The following RAD1 variants were observed in gnomAD, a reference collection of about 807,000 sequenced individuals.
RAD1 encodes the protein cell cycle checkpoint protein RAD1.
In RAD1, 21 loss-of-function variants were observed where a neutral mutation model predicts 30.0. The ratio of observed to expected loss-of-function variants is 0.70; its 90% CI spans 0.50 to 1.01. The LOEUF is 1.01. Ranked by LOEUF, RAD1 falls within the 50% of genes least tolerant of loss-of-function variation. The pLI is 0.00. For synonymous variants in RAD1, 109 were observed against 113.6 expected (o/e 0.96, Z 0.26); for missense variants, 329 against 329.0 (o/e 1.00, Z 0.00).
rs1411192343 is a variant in RAD1, at chr5:34,906,235, GT to G, written c.*2529del. 1 of 152,076 alleles carries G rather than the reference GT, an allele frequency of 6.6e-6. No homozygotes were observed. 9.4% of individuals were successfully genotyped at this position (152,076 alleles called of 1,614,324 possible). ...GCTTCCCAAAATGCTGGGATTACAGGTGTGAGCCACCACTCCCGGCCTAAAA... is the reference window on the plus strand; with the variant it reads ...GCTTCCCAAAATGCTGGGATTACAGGGTGAGCCACCACTCCCGGCCTAAAA... On this transcript the variant is annotated 3_prime_UTR_variant, in exon 6 of 6. Transcript: ENST00000382038.
intron 1 of RAD1, 98 bp from the exon 2 acceptor site, chr5:34,915,059 G>A (rs549202666): frequency 3.1e-6 from 2 of 652,746 alleles, no homozygotes; most frequent in South Asian, 3.8e-5. Flanking sequence ...GGCTGAACAC[G>A]GCTGACCAGG....
At chr5:34,911,956 C>T in intron 3 of RAD1, 144 bp from the exon 4 acceptor site, 4 of 970,018 alleles carry the variant, frequency 4.1e-6, no homozygotes, top group Non-Finnish European at 6.2e-6. Context: ...AAAGGGATGA[C>T]ATCTTCCCTG....
In RAD1 at chr5:34,909,260, G is replaced by A. The variant is rs763712341; in HGVS notation, c.663C>T (p.Asn221=). 5.0e-6 allele frequency: 8 copies of A among 1,597,526 alleles called. No individual in the cohort carries two copies. In the South Asian group the frequency reaches 5.5e-5, roughly 11 times the overall value. The change falls in exon 5 of 6, where the codon AAC becomes AAT. Residue 221 remains asparagine (N), a splice_region_variant and synonymous_variant. Coordinates refer to ENST00000382038, the MANE Select transcript of RAD1 (RefSeq NM_002853.4). The stretch of plus-strand genomic sequence containing the variant: ...CAACCTCTATATTAAGAACTGACCT[G>A]TTGACTTGGGTCTGATTACAATGAA... The part of the protein sequence containing the change: ...EAFHCNQTQV[N]RYKISLLKPS...
chr5:34,910,480 T>C (rs1461406255), intron 4 of RAD1, among the ~76,000 whole-genome samples: 5 of 151,512 alleles, frequency 3.3e-5, no homozygotes, highest in Non-Finnish European at 7.4e-5. Context: ...CAGGCTGGAG[T>C]GCAGTGGCGC....
chr5:34,913,504 G>C lies in RAD1; in HGVS notation c.273C>G (p.Asp91Glu), dbSNP rs919885394. ...GACTTGATCCAAAAATAGATAAACA[G>C]TCTAAAAGGACAGTTAAATTAATTC... is the stretch of plus-strand genomic sequence containing the variant. ...TFRINLTVLL[D>E]CLSIFGSSPM... is the part of the protein sequence containing the mutation. Residue 91 changes from aspartate (D) to glutamate (E), a missense_variant, in exon 3 of 6, where the codon GAC (aspartate) becomes GAG (glutamate). Coordinates refer to ENST00000382038, the MANE Select transcript of RAD1 (RefSeq NM_002853.4). 5.0e-6 allele frequency: 8 copies of C among 1,600,354 alleles called. No individual in the cohort carries two copies. The Admixed American group carries it at 6.8e-5, about 14-fold the overall frequency.
At position 34,913,652 on chromosome 5, in the gene RAD1, T is replaced by C. The variant is rs41271685; in HGVS notation, c.199-74A>G. On this transcript the variant is annotated intron_variant, in intron 2 of 5. Coordinates refer to ENST00000382038, the MANE Select transcript of RAD1 (RefSeq NM_002853.4). The stretch of plus-strand genomic sequence containing the variant: ...AATAATATAAGGTCCTAGATTTCAC[T>C]TTATACGTTTAAAAAATACAATACT... 8,005 of 854,930 alleles carry C rather than the reference T, an allele frequency of 9.4e-3. 53 individuals are homozygous for C. The highest frequency in any genetic ancestry group is 0.012 in the Non-Finnish European group (6,609 of 549,340). 53.0% of individuals were successfully genotyped at this position (854,930 alleles called of 1,614,324 possible).
chr5:34,911,631 G>C lies in RAD1; in HGVS notation c.489C>G (p.Leu163=). The part of the protein sequence containing the change: ...INKIILQSEG[L]REAFSELDMT... ...TATCCAATTCAGAAAATGCTTCACG[G>C]AGCCCCTCTGACTGCAGAATAATTT... The change falls in exon 4 of 6, where the codon CTC becomes CTG. Residue 163 remains leucine, a synonymous_variant. Transcript: ENST00000382038. 6.2e-7 allele frequency: 1 copy of C among 1,614,106 alleles called. No individual in the cohort carries two copies. Among genetic ancestry groups the C allele is most frequent in the African/African-American group, 1.3e-5 (1 of 75,008 alleles).
chr5:34,913,227 G>C (rs1188127997), intron 3 of RAD1, among the ~76,000 whole-genome samples: 2 of 151,864 alleles, frequency 1.3e-5, no homozygotes, highest in Non-Finnish European at 2.9e-5. Context: ...TGGCCAGTTC[G>C]AATTTACAAT....
chr5:34,909,454 G>C, intron 4 of RAD1, 98 bp from the exon 5 acceptor site: 1 of 761,890 alleles, frequency 1.3e-6, no homozygotes, highest in East Asian at 2.6e-5. Context: ...TCATACTAGT[G>C]GGTGAAACAG....
In RAD1 at chr5:34,911,849, A is replaced by G. The variant is rs963982523; in HGVS notation, c.308-37T>C. 12 of 1,605,404 alleles carry G rather than the reference A, an allele frequency of 7.5e-6. No homozygotes were observed. In the African/African-American group the frequency reaches 1.5e-4, roughly 20 times the overall value. On this transcript the variant is annotated intron_variant, in intron 3 of 5. Transcript: ENST00000382038. ...AGAAGTCATACTTGGCCTTAGCTTT[A>G]TAGTTCTGGGTTCAGCTTCTCCTCG...
intron 4 of RAD1, 23 bp downstream of exon 4, chr5:34,911,531 A>C (rs767962682): frequency 6.2e-7 from 1 of 1,611,890 alleles, no homozygotes; most frequent in Non-Finnish European, 8.5e-7. Context: ...CACATTAACT[A>C]TAACTGCACT....
chr5:34,913,851 T>C, intron 2 of RAD1: 4 of 487,954 alleles, frequency 8.2e-6, no homozygotes, highest in South Asian at 7.0e-5. Flanking sequence ...GACGAATGAC[T>C]TGATAATGCA....
chr5:34,913,930 G>C (rs1277865747), intron 2 of RAD1: 3 of 457,590 alleles, frequency 6.6e-6, no homozygotes, highest in Non-Finnish European at 1.3e-5. Context: ...TGATTACCCA[G>C]GCTGGTCTTT....
chr5:34,905,881 T>C lies in RAD1; in HGVS notation c.*2884A>G, dbSNP rs1763634725. On this transcript the variant is annotated 3_prime_UTR_variant, in exon 6 of 6. Transcript: ENST00000382038. Reference sequence around the variant, plus strand: ...TAAAATAAGTACCTTGATGTTAGGGTGACTTAGAAACAATTCATTAGTCTT... The same window carrying C: ...TAAAATAAGTACCTTGATGTTAGGGCGACTTAGAAACAATTCATTAGTCTT... The C allele has an allele frequency of 6.6e-6, 1 of 152,218 alleles. No homozygotes were observed. The highest frequency in any genetic ancestry group is 6.5e-5 in the Admixed American group (1 of 15,282). 9.4% of individuals were successfully genotyped at this position (152,218 alleles called of 1,614,324 possible).
rs1231158673 is a variant in RAD1 at position 34,906,843 on chromosome 5, AT to A, written c.*1921del. On this transcript the variant is annotated 3_prime_UTR_variant, in exon 6 of 6. Transcript: ENST00000382038. ...ACAAAAAATAACTATGCTATTTCACATTTAACAGTCCTTAGAATGTTGACTG... is the reference window on the plus strand; with the variant it reads ...ACAAAAAATAACTATGCTATTTCACATTAACAGTCCTTAGAATGTTGACTG... 1.3e-5 allele frequency: 2 copies of A among 152,242 alleles called. No individual in the cohort carries two copies. Among genetic ancestry groups the A allele is most frequent in the Non-Finnish European group, 2.9e-5 (2 of 68,020 alleles). The allele number at this position is 152,242 out of a possible 1,614,324, so 9.4% of individuals were successfully genotyped here.
intron 4 of RAD1, 85 bp downstream of exon 4, chr5:34,911,469 T>G (rs1763835924): frequency 1.3e-6 from 2 of 1,489,968 alleles, no homozygotes; most frequent in East Asian, 2.3e-5. Flanking sequence ...ATGTGGATAA[T>G]AAAAATTTTG....
At position 34,914,826 on chromosome 5, in the gene RAD1, T is replaced by G. The variant is rs1482774099; in HGVS notation, c.67A>C (p.Asn23His). ...DQYSLVASLD[N>H]VRNLSTILKA... ...AAGATAGTGGAGAGATTCCTAACGTTGTCAAGGCTGGCCACAAGGCTGTAC... is the reference window on the plus strand; with the variant it reads ...AAGATAGTGGAGAGATTCCTAACGTGGTCAAGGCTGGCCACAAGGCTGTAC... The change falls in exon 2 of 6, where the codon AAC becomes CAC. Residue 23 changes from asparagine (N) to histidine (H), a missense_variant. By Grantham distance (68) the Asn-to-His change is moderately conservative (BLOSUM62 1). Transcript: ENST00000382038. 6.2e-7 allele frequency: 1 copy of G among 1,614,090 alleles called. No individual in the cohort carries two copies. Among genetic ancestry groups the G allele is most frequent in the Non-Finnish European group, 8.5e-7 (1 of 1,180,048 alleles).
At chr5:34,911,876 A>T (rs1763858905) in intron 3 of RAD1, 64 bp from the exon 4 acceptor site, 1 of 1,533,766 alleles carries the variant, frequency 6.5e-7, no homozygotes, top group African/African-American at 1.4e-5. Context: ...TTCTCCTCGA[A>T]ATGATACATA....
chr5:34,912,376 G>A (rs1763874739), intron 3 of RAD1, among the ~76,000 whole-genome samples: 1 of 152,190 alleles, frequency 6.6e-6, no homozygotes, highest in South Asian at 2.1e-4. Flanking sequence ...CTAGAGGGAA[G>A]GAGGAATATG....
Sources: gnomAD v4.1 joint callset for allele counts (sites outside exome capture counted in the v4.1 genomes callset) on GRCh38, gnomAD v4.1.1 for gene constraint, MANE v1.5 for transcripts, NCBI Gene and HGNC (gene_info 2026-07-23, HGNC 2026-07-21) for gene names.